GLT8D2: variants seen among roughly 807,000 people sequenced by gnomAD.
The protein encoded by GLT8D2 is glycosyltransferase 8 domain-containing protein 2.
A neutral mutation model predicts 44.5 loss-of-function variants in GLT8D2; 45 were observed. The observed-to-expected ratio is 1.01, with a 90% CI of 0.80 to 1.30. The LOEUF is 1.30. Among genes scored for constraint, GLT8D2 ranks in the 50% most tolerant of loss-of-function variants. The probability of loss-of-function intolerance (pLI) is 0.00; values close to 1 mark genes in which losing one functional copy is unlikely to be tolerated. For synonymous variants in GLT8D2, 156 were observed against 157.2 expected, an observed-to-expected ratio of 0.99 and a Z score of 0.06; for missense variants, 400 against 430.4, an observed-to-expected ratio of 0.93 and a Z score of 0.62.
intron 1 of GLT8D2, among the ~76,000 whole-genome samples, chr12:104,063,334 T>C (rs1173587265): frequency 6.6e-6 from 1 of 152,050 alleles, no homozygotes; most frequent in Non-Finnish European, 1.5e-5. Context: ...TTATTCCTAA[T>C]GGACTTGTGT....
intron 4 of GLT8D2, chr12:104,014,248 G>A: frequency 1.4e-6 from 1 of 698,324 alleles, no homozygotes; most frequent in South Asian, 1.5e-5. Context: ...CCAACTTCCT[G>A]GGGTGCTGAG....
chr12:104,026,776 C>CA (rs1444282835), intron 1 of GLT8D2, among the ~76,000 whole-genome samples: 2 of 152,090 alleles, frequency 1.3e-5, no homozygotes, highest in Admixed American at 6.5e-5. Flanking sequence ...CTATCTCACA[C>CA]AAAAAAAGTT....
intron 1 of GLT8D2, among the ~76,000 whole-genome samples, chr12:104,058,470 G>C (rs1376497036): frequency 6.6e-6 from 1 of 152,116 alleles, no homozygotes; most frequent in Non-Finnish European, 1.5e-5. Flanking sequence ...TTTTCCATTG[G>C]GGGGTGTGAA....
At chr12:104,027,877 G>T (rs1474581409) in intron 1 of GLT8D2, among the ~76,000 whole-genome samples, 1 of 152,142 alleles carries the variant, frequency 6.6e-6, no homozygotes, top group East Asian at 1.9e-4. Context: ...GGCCCTTGCG[G>T]CTACACCAGA....
At chr12:103,996,951 T>C (rs1228845143) in intron 7 of GLT8D2, 104 bp from the exon 8 acceptor site, 1 of 690,466 alleles carries the variant, frequency 1.4e-6, no homozygotes, top group Non-Finnish European at 2.5e-6. Flanking sequence ...GGGAGAAGAG[T>C]ATTGGATCCC....
At chr12:104,007,410 C>T (rs1875213226) in intron 4 of GLT8D2, among the ~76,000 whole-genome samples, 1 of 152,186 alleles carries the variant, frequency 6.6e-6, no homozygotes, top group South Asian at 2.1e-4. Context: ...CCAGGTACTG[C>T]ATTTTGTGTA....
intron 3 of GLT8D2, among the ~76,000 whole-genome samples, chr12:104,015,393 AACACACAC>A (rs55732553): frequency 1.4e-3 from 171 of 126,174 alleles, no homozygotes; most frequent in African/African-American, 3.3e-3. Context: ...AACAACAACA[AACACACAC>A]ACACACACAC....
chr12:104,040,478 T>C (rs1243195712), intron 1 of GLT8D2, among the ~76,000 whole-genome samples: 1 of 152,088 alleles, frequency 6.6e-6, no homozygotes, highest in African/African-American at 2.4e-5. Context: ...CAGGCTGGAG[T>C]GCAGTCGCTT....
intron 1 of GLT8D2, among the ~76,000 whole-genome samples, chr12:104,044,059 GTC>G (rs1437101536): frequency 2.0e-5 from 3 of 152,154 alleles, no homozygotes; most frequent in African/African-American, 7.2e-5. Flanking sequence ...AGGCCTTCCT[GTC>G]TCTCTCAGAG....
At chr12:104,053,583 T>A (rs555343335), upstream of GLT8D2, among the ~76,000 whole-genome samples, 2 of 152,294 alleles carry the variant, frequency 1.3e-5, no homozygotes, top group Non-Finnish European at 2.9e-5. Flanking sequence ...TGCTGTTGTT[T>A]TTAAACAAAA....
At chr12:104,029,088 G>A (rs997371280) in intron 1 of GLT8D2, among the ~76,000 whole-genome samples, 1 of 152,058 alleles carries the variant, frequency 6.6e-6, no homozygotes, top group Non-Finnish European at 1.5e-5. Context: ...TCAAGAGATC[G>A]AGACCATCCT....
intron 1 of GLT8D2, among the ~76,000 whole-genome samples, chr12:104,046,332 T>C (rs1881148446): frequency 6.6e-6 from 1 of 152,242 alleles, no homozygotes; most frequent in African/African-American, 2.4e-5. Flanking sequence ...CAAATATTCA[T>C]TCACGGATTA....
intron 1 of GLT8D2, among the ~76,000 whole-genome samples, chr12:104,049,084 G>T (rs1386236970): frequency 6.6e-6 from 1 of 152,132 alleles, no homozygotes; most frequent in African/African-American, 2.4e-5. Context: ...TTACACAGAA[G>T]TGCCACACCA....
intron 1 of GLT8D2, among the ~76,000 whole-genome samples, chr12:104,029,541 G>T (rs562426176): frequency 3.9e-4 from 60 of 152,234 alleles, no homozygotes; most frequent in African/African-American, 1.4e-3. Context: ...CTGAGACAAT[G>T]CTAATGTGGC....
At chr12:103,998,832 C>G (rs867071599) in intron 6 of GLT8D2, among the ~76,000 whole-genome samples, 1 of 152,166 alleles carries the variant, frequency 6.6e-6, no homozygotes, top group African/African-American at 2.4e-5. Flanking sequence ...CAAGCACGAG[C>G]CAGCACGTCC....
In GLT8D2 at chr12:104,047,202, G is replaced by T. The variant is rs186137574; in HGVS notation, c.-164+2693C>A. 3.9e-5 allele frequency among the ~76,000 whole-genome samples: 6 copies of T among 152,116 alleles called. No individual in the cohort carries two copies. The East Asian group carries it at 7.7e-4, about 20-fold the overall frequency. ...AAGCTGAGAAGCCCAAGATCAAGGT[G>T]CTGGCAGATTCAGTGCCTGGTGGGG... On this transcript the variant is annotated intron_variant, in intron 1 of 10. Transcript: ENST00000360814.
intron 1 of GLT8D2, among the ~76,000 whole-genome samples, chr12:104,029,279 A>G (rs534008975): frequency 4.0e-4 from 60 of 151,348 alleles, no homozygotes; most frequent in Admixed American, 1.2e-3. Context: ...ACAGAGTGAG[A>G]CTCCATCTCA....
At chr12:104,045,937 A>AAAAGAAAGAAAGAAAGAAAATAAG (rs1881086378) in intron 1 of GLT8D2, among the ~76,000 whole-genome samples, 100 of 113,582 alleles carry the variant, frequency 8.8e-4, no homozygotes, top group South Asian at 2.2e-3. Flanking sequence ...GAAAGAAAGA[A>AAAAGAAAGAAAGAAAGAAAATAAG]AAAGAAAGAA....
rs1040401450 is a variant in GLT8D2 at position 104,012,791 on chromosome 12, C to T, written c.112+2222G>A. ...AAAGGCAAATAAGTTAAAATGAAGC[C>T]ATTTGGTAGGCCTTATCCCAGTAAG... On this transcript the variant is annotated intron_variant, in intron 4 of 10. Transcript: ENST00000360814. 11 of 696,892 alleles carry T rather than the reference C, an allele frequency of 1.6e-5. No individual in the cohort carries two copies. In the Admixed American group the frequency reaches 1.8e-4, roughly 12 times the overall value. 43.2% of individuals were successfully genotyped at this position (696,892 alleles called of 1,614,324 possible).
Sources: allele counts gnomAD v4.1 joint callset (sites outside exome capture counted in the v4.1 genomes callset), GRCh38; gene constraint gnomAD v4.1.1; transcripts MANE v1.5; gene names NCBI Gene and HGNC (gene_info 2026-07-23, HGNC 2026-07-21).